ROBO2: variants seen among roughly 807,000 people sequenced by gnomAD.
ROBO2 encodes roundabout guidance receptor 2, also known as roundabout homolog 2.
In ROBO2, 53 loss-of-function variants were observed where a neutral mutation model predicts 160.8. That is an observed-to-expected ratio of 0.33 (90% CI 0.26 to 0.41). ROBO2 has a LOEUF of 0.41. Among genes scored for constraint, ROBO2 ranks in the 10% least tolerant of loss-of-function variants. ROBO2 has a pLI of 1.00. For synonymous variants in ROBO2, 664 were observed against 611.7 expected (o/e 1.09, Z -1.26); for missense variants, 1,577 against 1,722.4 (o/e 0.92, Z 1.49).
chr3:77,018,308 C>A (rs2062412324), intron 2 of ROBO2, among the ~76,000 whole-genome samples: 1 of 152,118 alleles, frequency 6.6e-6, no homozygotes, highest in Admixed American at 6.5e-5. Flanking sequence ...TATTCTTGAA[C>A]CTGACCTCAA....
chr3:76,834,116 C>CTTTCTTTCTTTCTTTCTT (rs1559575341), intron 2 of ROBO2, among the ~76,000 whole-genome samples: 2 of 35,772 alleles, frequency 5.6e-5, no homozygotes, highest in African/African-American at 2.3e-4. Flanking sequence ...CTTTCTTTCT[C>CTTTCTTTCTTTCTTTCTT]TCTGTCTCTC....
intron 2 of ROBO2, among the ~76,000 whole-genome samples, chr3:76,691,489 A>G (rs927494957): frequency 1.3e-5 from 2 of 152,168 alleles, no homozygotes; most frequent in Non-Finnish European, 2.9e-5. Flanking sequence ...AAAAAATTAA[A>G]TGGGCAAAGG....
At chr3:76,079,270 G>A (rs1178960729) in intron 2 of ROBO2, among the ~76,000 whole-genome samples, 2 of 152,032 alleles carry the variant, frequency 1.3e-5, no homozygotes, top group East Asian at 1.9e-4. Flanking sequence ...CATTTATTGC[G>A]TATTTCAAAA....
At chr3:77,511,217 G>A (rs2089346834) in intron 5 of ROBO2, among the ~76,000 whole-genome samples, 1 of 151,978 alleles carries the variant, frequency 6.6e-6, no homozygotes, top group Admixed American at 6.6e-5. Context: ...TTAATCCCTG[G>A]AGCCTCCCAT....
intron 2 of ROBO2, among the ~76,000 whole-genome samples, chr3:75,963,445 CCT>C (rs1291804927): frequency 6.6e-6 from 1 of 151,826 alleles, no homozygotes; most frequent in Non-Finnish European, 1.5e-5. Flanking sequence ...GATCCTCCCA[CCT>C]TTGCCTCCCA....
chr3:76,234,790 T>A (rs957373889), intron 2 of ROBO2, among the ~76,000 whole-genome samples: 5 of 152,190 alleles, frequency 3.3e-5, no homozygotes, highest in African/African-American at 1.2e-4. Flanking sequence ...AAGTGACCCC[T>A]TTGTTCTTTC....
At chr3:76,735,275 T>C (rs1364317358) in intron 2 of ROBO2, among the ~76,000 whole-genome samples, 8 of 152,304 alleles carry the variant, frequency 5.3e-5, no homozygotes, top group African/African-American at 4.8e-5. Flanking sequence ...AATGAAATCA[T>C]GTCCTTTGCA....
chr3:76,659,521 G>T (rs552852694), intron 2 of ROBO2, among the ~76,000 whole-genome samples: 14 of 152,058 alleles, frequency 9.2e-5, no homozygotes, highest in Admixed American at 7.9e-4. Flanking sequence ...GGCTCACCCT[G>T]TACTATAATT....
chr3:76,389,662 A>G (rs1576866745), intron 2 of ROBO2, among the ~76,000 whole-genome samples: 1 of 152,236 alleles, frequency 6.6e-6, no homozygotes, highest in African/African-American at 2.4e-5. Flanking sequence ...AATAAAAGGC[A>G]TACATTATCC....
chr3:77,547,061 G>A (rs562704325), intron 7 of ROBO2, among the ~76,000 whole-genome samples: 9 of 152,150 alleles, frequency 5.9e-5, no homozygotes, highest in Non-Finnish European at 1.3e-4. Flanking sequence ...TACCTGTCTT[G>A]TCTTTGTTCT....
chr3:76,068,503 C>A (rs2068337363), intron 2 of ROBO2, among the ~76,000 whole-genome samples: 1 of 152,172 alleles, frequency 6.6e-6, no homozygotes, highest in Non-Finnish European at 1.5e-5. Context: ...GTGTGCCAGA[C>A]CCTATCGCCT....
intron 2 of ROBO2, among the ~76,000 whole-genome samples, chr3:76,257,624 C>G (rs1396322544): frequency 3.3e-5 from 5 of 151,496 alleles, no homozygotes; most frequent in Admixed American, 1.3e-4. Context: ...CTTTCTCTCA[C>G]TGCATACAGT....
chr3:77,150,496 CAT>C (rs1410639549), intron 2 of ROBO2, among the ~76,000 whole-genome samples: 1 of 152,136 alleles, frequency 6.6e-6, no homozygotes, highest in East Asian at 1.9e-4. Context: ...TTAGCACAAA[CAT>C]ATGTTTTTAA....
At chr3:76,574,871 T>C (rs1384443659) in intron 2 of ROBO2, among the ~76,000 whole-genome samples, 1 of 152,138 alleles carries the variant, frequency 6.6e-6, no homozygotes, top group Non-Finnish European at 1.5e-5. Context: ...CCATGGACAG[T>C]AATTGGAGGA....
intron 2 of ROBO2, among the ~76,000 whole-genome samples, chr3:76,913,897 G>C (rs2076149339): frequency 6.6e-6 from 1 of 152,002 alleles, no homozygotes; most frequent in African/African-American, 2.4e-5. Context: ...CTTTAGAGGA[G>C]TAACTGTGAA....
At chr3:77,384,872 G>A (rs1384783223) in intron 2 of ROBO2, among the ~76,000 whole-genome samples, 1 of 152,048 alleles carries the variant, frequency 6.6e-6, no homozygotes. Context: ...TTCCCCCATT[G>A]TTACCTCTAA....
chr3:76,159,458 C>T (rs1044750798), intron 2 of ROBO2, among the ~76,000 whole-genome samples: 10 of 152,130 alleles, frequency 6.6e-5, no homozygotes, highest in African/African-American at 2.4e-4. Flanking sequence ...AAAATCCACA[C>T]ATTTTAAATT....
chr3:77,420,885 T>C (rs80021842), intron 2 of ROBO2, among the ~76,000 whole-genome samples: 1,808 of 152,252 alleles, frequency 0.012, 36 homozygotes, highest in African/African-American at 0.041. Context: ...TGCACATTTT[T>C]CCCCACATTG....
intron 2 of ROBO2, among the ~76,000 whole-genome samples, chr3:77,010,707 A>G (rs772165035): frequency 3.9e-5 from 6 of 152,068 alleles, no homozygotes; most frequent in Non-Finnish European, 8.8e-5. Flanking sequence ...GAGGCTTTTT[A>G]TTGAACTCTT....
Sources: allele counts gnomAD v4.1 joint callset (sites outside exome capture counted in the v4.1 genomes callset), GRCh38; gene constraint gnomAD v4.1.1; transcripts MANE v1.5; gene names NCBI Gene and HGNC (gene_info 2026-07-23, HGNC 2026-07-21).